Variants in FNIP1 observed in about 807,000 individuals in gnomAD.
FNIP1 encodes the protein folliculin interacting protein 1.
A neutral mutation model predicts 124.5 loss-of-function variants in FNIP1; 40 were observed. The ratio of observed to expected loss-of-function variants is 0.32; its 90% confidence interval spans 0.25 to 0.42. FNIP1 has a LOEUF of 0.42. FNIP1 is among the 10% of genes least tolerant of loss of function. The pLI, the probability that FNIP1 is intolerant of heterozygous loss-of-function variation, is 1.00. For synonymous variants in FNIP1, 472 were observed against 470.6 expected, an observed-to-expected ratio of 1.00 and a Z score of -0.04; for missense variants, 1,176 against 1,403.7, an observed-to-expected ratio of 0.84 and a Z score of 2.59.
At chr5:131,681,937 T>C (rs943752398) in intron 11 of FNIP1, among the ~76,000 whole-genome samples, 3 of 152,014 alleles carry the variant, frequency 2.0e-5, no homozygotes, top group African/African-American at 4.8e-5. Context: ...GATCTAAAAC[T>C]GATAAATGAG....
intron 2 of FNIP1, among the ~76,000 whole-genome samples, chr5:131,735,225 T>C (rs1770248262): frequency 6.6e-6 from 1 of 151,926 alleles, no homozygotes; most frequent in Admixed American, 6.6e-5. Context: ...AACCAAACAC[T>C]GCATGTTCTC....
chr5:131,739,736 C>A (rs1180659627), intron 2 of FNIP1, among the ~76,000 whole-genome samples: 1 of 150,650 alleles, frequency 6.6e-6, no homozygotes, highest in East Asian at 1.9e-4. Context: ...TGGCGTGAAC[C>A]CAGGAGGCGG....
intron 8 of FNIP1, 125 bp downstream of exon 8, chr5:131,709,076 T>C: frequency 1.3e-6 from 1 of 747,038 alleles, no homozygotes; most frequent in South Asian, 1.7e-5. Flanking sequence ...GCTCTGGTCT[T>C]TTCACAGTTC....
At chr5:131,702,459 G>A (rs887633698) in intron 10 of FNIP1, among the ~76,000 whole-genome samples, 1 of 152,060 alleles carries the variant, frequency 6.6e-6, no homozygotes, top group Non-Finnish European at 1.5e-5. Flanking sequence ...CCAAGTAAAA[G>A]CACAATATGC....
chr5:131,698,768 T>C, intron 11 of FNIP1, 149 bp downstream of exon 11: 1 of 534,066 alleles, frequency 1.9e-6, no homozygotes. Context: ...TGAGATGTAA[T>C]AACATAGGAG....
intron 8 of FNIP1, among the ~76,000 whole-genome samples, chr5:131,707,174 G>C (rs972074167): frequency 2.6e-5 from 4 of 152,118 alleles, no homozygotes; most frequent in Non-Finnish European, 5.9e-5. Context: ...TTCCCTTCCC[G>C]AAACACTTCT....
intron 1 of FNIP1, among the ~76,000 whole-genome samples, chr5:131,790,814 A>C (rs1466476977): frequency 6.6e-6 from 1 of 152,222 alleles, no homozygotes; most frequent in Non-Finnish European, 1.5e-5. Flanking sequence ...CCAAACAAAA[A>C]GGTATAAGGG....
chr5:131,647,275 A>T (rs1180537704), intron 16 of FNIP1, 70 bp from the exon 17 acceptor site: 4 of 1,099,788 alleles, frequency 3.6e-6, no homozygotes, highest in African/African-American at 1.5e-5. Context: ...GCAAACTCCA[A>T]AACATAATGT....
intron 1 of FNIP1, among the ~76,000 whole-genome samples, chr5:131,778,235 A>G (rs1771876004): frequency 6.6e-6 from 1 of 152,132 alleles, no homozygotes; most frequent in Non-Finnish European, 1.5e-5. Context: ...CACCTATGAC[A>G]TTGTCTTGGG....
intron 2 of FNIP1, among the ~76,000 whole-genome samples, chr5:131,734,666 C>A (rs1444085039): frequency 6.6e-6 from 1 of 152,140 alleles, no homozygotes; most frequent in Non-Finnish European, 1.5e-5. Context: ...TGAACAGACA[C>A]CTCTCAAAAG....
intron 6 of FNIP1, among the ~76,000 whole-genome samples, chr5:131,712,838 TC>T (rs1257934536): frequency 6.6e-6 from 1 of 152,166 alleles, no homozygotes; most frequent in Non-Finnish European, 1.5e-5. Flanking sequence ...TGGACAAAAG[TC>T]CAAACCCTGA....
intron 3 of FNIP1, among the ~76,000 whole-genome samples, chr5:131,721,678 A>T (rs1200732327): frequency 3.3e-5 from 5 of 152,182 alleles, no homozygotes; most frequent in Non-Finnish European, 5.9e-5. Flanking sequence ...CATGCCTGTA[A>T]TCCCAGCTAC....
At chr5:131,690,206 G>A (rs1768429885) in intron 11 of FNIP1, among the ~76,000 whole-genome samples, 1 of 151,854 alleles carries the variant, frequency 6.6e-6, no homozygotes, top group African/African-American at 2.4e-5. Context: ...CTGGGTGACA[G>A]AGCAATACTC....
chr5:131,792,160 CTTTT>C (rs1236842478), intron 1 of FNIP1, among the ~76,000 whole-genome samples: 3 of 137,248 alleles, frequency 2.2e-5, no homozygotes, highest in Non-Finnish European at 1.6e-5. Flanking sequence ...ATAACTGGCA[CTTTT>C]TTTTTTTTTT....
intron 1 of FNIP1, among the ~76,000 whole-genome samples, chr5:131,780,219 G>C (rs1771951439): frequency 1.3e-5 from 2 of 152,064 alleles, no homozygotes; most frequent in East Asian, 3.9e-4. Flanking sequence ...ATAAATATTT[G>C]AAAGATGAAA....
chr5:131,661,688 T>C (rs1441440408), intron 15 of FNIP1, among the ~76,000 whole-genome samples: 1 of 152,152 alleles, frequency 6.6e-6, no homozygotes, highest in African/African-American at 2.4e-5. Flanking sequence ...CACACAAAAG[T>C]AATTTTCCTT....
intron 10 of FNIP1, among the ~76,000 whole-genome samples, chr5:131,699,463 G>A (rs1375301327): frequency 1.4e-5 from 2 of 146,030 alleles, no homozygotes; most frequent in African/African-American, 5.1e-5. Flanking sequence ...GCGCGATCTC[G>A]GCTCACTGCA....
At chr5:131,791,204 A>G (rs1772396348) in intron 1 of FNIP1, among the ~76,000 whole-genome samples, 1 of 152,368 alleles carries the variant, frequency 6.6e-6, no homozygotes, top group Admixed American at 6.5e-5. Flanking sequence ...CAAATAGTTG[A>G]TAAAAGTTAT....
intron 13 of FNIP1, among the ~76,000 whole-genome samples, chr5:131,675,631 A>G (rs1427260524): frequency 6.6e-6 from 1 of 152,196 alleles, no homozygotes; most frequent in African/African-American, 2.4e-5. Context: ...GCATGATTCC[A>G]TTCATATAAA....
Sources: allele counts gnomAD v4.1 joint callset (sites outside exome capture counted in the v4.1 genomes callset), GRCh38; gene constraint gnomAD v4.1.1; transcripts MANE v1.5; gene names NCBI Gene and HGNC (gene_info 2026-07-23, HGNC 2026-07-21).